SLC24A4: variants seen among roughly 807,000 people sequenced by gnomAD.
SLC24A4 encodes solute carrier family 24 member 4.
SLC24A4 carries 53 observed loss-of-function variants against 79.0 expected under a neutral mutation model. The ratio of observed to expected loss-of-function variants is 0.67; its 90% CI spans 0.54 to 0.84. SLC24A4 has a LOEUF of 0.84. Ranked by LOEUF, SLC24A4 falls within the 40% of genes least tolerant of loss-of-function variation. SLC24A4 has a pLI of 0.00. For synonymous variants in SLC24A4, 323 were observed against 323.8 expected (o/e 1.00, Z 0.03); for missense variants, 731 against 822.0 (o/e 0.89, Z 1.35).
chr14:92,389,221 C>G lies in SLC24A4; in HGVS notation c.242-44691C>G, dbSNP rs1179078774. 2.6e-5 allele frequency among the ~76,000 whole-genome samples: 4 copies of G among 152,226 alleles called. No individual in the cohort carries two copies. The East Asian group carries it at 7.7e-4, about 29-fold the overall frequency. ...CCCTTTTAAAAGCCTTCCTCTCCAC[C>G]CCACTCTTGGAAGGAAGTGAATCTT... On this transcript the variant is annotated intron_variant, in intron 2 of 16. Coordinates refer to ENST00000532405, the MANE Select transcript of SLC24A4 (RefSeq NM_153646.4).
intron 2 of SLC24A4, among the ~76,000 whole-genome samples, chr14:92,400,864 G>A (rs192492432): frequency 6.6e-6 from 1 of 152,318 alleles, no homozygotes; most frequent in Non-Finnish European, 1.5e-5. Flanking sequence ...AAGAGCTTTT[G>A]TCAACACTGT....
chr14:92,482,738 C>T lies in SLC24A4; in HGVS notation c.1314C>T (p.Cys438=), dbSNP rs765282621. 9.9e-6 allele frequency: 16 copies of T among 1,614,118 alleles called. No individual in the cohort carries two copies. The highest frequency in any genetic ancestry group is 6.6e-5 in the South Asian group (6 of 91,064). ...CCTGGCCCCTCATCTTCCTCCTGTGCGTCACCATTCCCAACTGCAGCAAGC... is the reference window on the plus strand; with the variant it reads ...CCTGGCCCCTCATCTTCCTCCTGTGTGTCACCATTCCCAACTGCAGCAAGC... The part of the protein sequence containing the change: ...VFTWPLIFLL[C]VTIPNCSKPR... Residue 438 remains cysteine (C), a synonymous_variant, in exon 13 of 17, where the codon TGC becomes TGT. Transcript: ENST00000532405.
intron 2 of SLC24A4, among the ~76,000 whole-genome samples, chr14:92,374,572 C>T (rs1485399195): frequency 6.6e-6 from 1 of 152,232 alleles, no homozygotes; most frequent in African/African-American, 2.4e-5. Flanking sequence ...GCAGAGGTCT[C>T]AGGGATTCCA....
At chr14:92,481,429 G>A (rs1327480021) in intron 12 of SLC24A4, among the ~76,000 whole-genome samples, 2 of 152,122 alleles carry the variant, frequency 1.3e-5, no homozygotes, top group Non-Finnish European at 2.9e-5. Context: ...ATTCACACTG[G>A]GTAAGCTCAG....
At chr14:92,372,919 T>TCC (rs774123502) in intron 2 of SLC24A4, among the ~76,000 whole-genome samples, 50,433 of 88,666 alleles carry the variant, frequency 0.57, 15,005 homozygotes, top group Non-Finnish European at 0.67. Context: ...CTTCCTTCCT[T>TCC]TCTTTCTCTT....
chr14:92,369,852 C>T (rs1043333223), intron 2 of SLC24A4, among the ~76,000 whole-genome samples: 5 of 152,170 alleles, frequency 3.3e-5, no homozygotes, highest in African/African-American at 7.2e-5. Context: ...TCAAATGTCT[C>T]CTTTGGGAGA....
intron 2 of SLC24A4, among the ~76,000 whole-genome samples, chr14:92,413,450 A>G (rs17128288): frequency 0.27 from 40,782 of 152,072 alleles, 5,904 homozygotes; most frequent in Non-Finnish European, 0.32. Context: ...TCTTCCCTGA[A>G]TCATCTTTGC....
In SLC24A4 at chr14:92,454,088, C is replaced by T; in HGVS notation, c.1050+19C>T. On this transcript the variant is annotated intron_variant, in intron 11 of 16. Coordinates refer to ENST00000532405, the MANE Select transcript of SLC24A4 (RefSeq NM_153646.4). ...TAATGAGGTGAGTTTGCTTGAAGGA[C>T]CATAAAAGTGAGCAGCCTTGGATGC... 1.2e-6 allele frequency: 2 copies of T among 1,608,488 alleles called. No homozygotes were observed. The highest frequency in any genetic ancestry group is 1.7e-6 in the Non-Finnish European group (2 of 1,177,320).
chr14:92,483,969 G>A, intron 13 of SLC24A4: 1 of 985,384 alleles, frequency 1.0e-6, no homozygotes, highest in South Asian at 4.7e-5. Context: ...CGTTTGGTGG[G>A]GAACAAAGGA....
intron 2 of SLC24A4, among the ~76,000 whole-genome samples, chr14:92,384,333 G>A (rs189780930): frequency 2.0e-5 from 3 of 152,076 alleles, no homozygotes; most frequent in East Asian, 1.9e-4. Flanking sequence ...GGAGTGTTGC[G>A]CATTACAGCA....
rs141169314 is a variant in SLC24A4 at position 92,373,634 on chromosome 14, T to C, written c.241+47656T>C. 5.3e-3 allele frequency among the ~76,000 whole-genome samples: 802 copies of C among 152,336 alleles called. 8 individuals are homozygous for C. Among genetic ancestry groups the C allele is most frequent in the African/African-American group, 0.019 (774 of 41,574 alleles). On this transcript the variant is annotated intron_variant, in intron 2 of 16. Transcript: ENST00000532405. ...AGGGGAAAGTTTTGGAAATGATCTG[T>C]CTCCATACCCAGTGGACTCTGAGGA... is the stretch of plus-strand genomic sequence containing the variant.
intron 3 of SLC24A4, among the ~76,000 whole-genome samples, chr14:92,434,899 A>T (rs1244007470): frequency 6.6e-6 from 1 of 151,972 alleles, no homozygotes; most frequent in Admixed American, 6.6e-5. Context: ...TCAGCCTCCC[A>T]AGTAGCTGGT....
At chr14:92,437,110 T>C (rs533372128) in intron 3 of SLC24A4, among the ~76,000 whole-genome samples, 1 of 152,182 alleles carries the variant, frequency 6.6e-6, no homozygotes, top group African/African-American at 2.4e-5. Context: ...TAGCACTTTT[T>C]CTTTGAAGAA....
chr14:92,493,342 TG>T (rs1895802800), intron 16 of SLC24A4, 133 bp from the exon 17 acceptor site: 1 of 1,059,210 alleles, frequency 9.4e-7, no homozygotes, highest in Non-Finnish European at 1.4e-6. Flanking sequence ...AGGATCAGAC[TG>T]CAGCACCCCG....
intron 2 of SLC24A4, among the ~76,000 whole-genome samples, chr14:92,406,160 C>T (rs918721305): frequency 3.3e-5 from 5 of 152,340 alleles, no homozygotes; most frequent in East Asian, 3.9e-4. Context: ...AATCTTAAAG[C>T]TCCAAAATAA....
At position 92,342,363 on chromosome 14, in the gene SLC24A4, CATTTATTT is replaced by C. The variant is rs10664923; in HGVS notation, c.241+16414_241+16421del. ...GCTCCCAGATTCTTCTTTTTTTCCCCATTTATTTATTTATTTATTTATTTATTTATTTA... is the reference window on the plus strand; with the variant it reads ...GCTCCCAGATTCTTCTTTTTTTCCCCATTTATTTATTTATTTATTTATTTA... On this transcript the variant is annotated intron_variant, in intron 2 of 16. Transcript: ENST00000532405. Among the ~76,000 whole-genome samples, 58 of 137,926 alleles carry C rather than the reference CATTTATTT, an allele frequency of 4.2e-4. 1 individual carries two copies. The highest frequency in any genetic ancestry group is 7.2e-4 in the South Asian group (3 of 4,160). 90.5% of individuals were successfully genotyped at this position (137,926 alleles called of 152,430 possible). A position where few individuals can be genotyped will look rare whatever the true frequency, so the allele number is the denominator to read the frequency against.
Position 92,497,797 on chromosome 14 carries a change from G to A in SLC24A4, c.*4169G>A, listed in dbSNP as rs1017323395. Reference sequence around the variant, plus strand: ...CATCCCCATCTTTCCTTTCCTTCTGGGCCATGCTCCTCCCTGGCTGGAAAA... The same window carrying A: ...CATCCCCATCTTTCCTTTCCTTCTGAGCCATGCTCCTCCCTGGCTGGAAAA... On this transcript the variant is annotated 3_prime_UTR_variant, in exon 17 of 17. Coordinates refer to ENST00000532405, the MANE Select transcript of SLC24A4 (RefSeq NM_153646.4). 2 of 152,396 alleles carry A rather than the reference G, an allele frequency of 1.3e-5. No homozygotes were observed. Among genetic ancestry groups the A allele is most frequent in the African/African-American group, 4.8e-5 (2 of 41,418 alleles). 9.4% of individuals were successfully genotyped at this position (152,396 alleles called of 1,614,324 possible).
At chr14:92,364,286 A>G (rs1887700106) in intron 2 of SLC24A4, among the ~76,000 whole-genome samples, 1 of 152,162 alleles carries the variant, frequency 6.6e-6, no homozygotes, top group South Asian at 2.1e-4. Flanking sequence ...AATGGTTCGA[A>G]TGGGATCATG....
intron 2 of SLC24A4, among the ~76,000 whole-genome samples, chr14:92,355,410 T>C (rs578162919): frequency 1.3e-5 from 2 of 152,160 alleles, no homozygotes; most frequent in Non-Finnish European, 2.9e-5. Flanking sequence ...AACAGCCCAG[T>C]GAGGTCTCAC....
Sources: allele counts gnomAD v4.1 joint callset (sites outside exome capture counted in the v4.1 genomes callset), GRCh38; gene constraint gnomAD v4.1.1; transcripts MANE v1.5; gene names NCBI Gene and HGNC (gene_info 2026-07-23, HGNC 2026-07-21).